CFAP107: variants seen among roughly 807,000 people sequenced by gnomAD.
The protein encoded by CFAP107 is cilia and flagella associated protein 107.
chr1:12,761,035 A>T, the CFAP107 span: 2 of 1,350,354 alleles, frequency 1.5e-6, no homozygotes, highest in African/African-American at 1.5e-5. Flanking sequence ...AGTGGCGCAG[A>T]TAAACTCAGA....
chr1:12,757,506 C>T, the CFAP107 span, among the ~76,000 whole-genome samples: 1 of 151,934 alleles, frequency 6.6e-6, no homozygotes, highest in Non-Finnish European at 1.5e-5. Flanking sequence ...CCTCAGCCTT[C>T]CAAGTAGCTG....
the CFAP107 span, among the ~76,000 whole-genome samples, chr1:12,747,273 T>G: frequency 1.3e-5 from 2 of 152,066 alleles, no homozygotes; most frequent in African/African-American, 4.8e-5. Context: ...TTCACCATGT[T>G]GGCCAGGCTG....
chr1:12,761,277 AGAGGTAATGT>A, the CFAP107 span: 1 of 229,604 alleles, frequency 4.4e-6, no homozygotes, highest in Non-Finnish European at 8.4e-6. Context: ...TGAGGCCCGG[AGAGGTAATGT>A]GACTTGCTGA....
the CFAP107 span, chr1:12,746,457 G>C: frequency 1.2e-6 from 2 of 1,613,668 alleles, no homozygotes; most frequent in Non-Finnish European, 1.7e-6. Flanking sequence ...TAAATCCACA[G>C]CCACTCTCTA....
chr1:12,762,598 G>A, the CFAP107 span: 3 of 152,568 alleles, frequency 2.0e-5, no homozygotes, highest in Non-Finnish European at 4.4e-5. Flanking sequence ...GGAGACAGCT[G>A]TGGGATGGAG....
chr1:12,752,850 G>A, the CFAP107 span, among the ~76,000 whole-genome samples: 11,597 of 152,008 alleles, frequency 0.076, 515 homozygotes, highest in African/African-American at 0.13. Flanking sequence ...ACATAGTGCT[G>A]GAAGTTCTAG....
At chr1:12,759,596 C>G in the CFAP107 span, 1 of 1,274,670 alleles carries the variant, frequency 7.8e-7, no homozygotes, top group Non-Finnish European at 1.1e-6. Flanking sequence ...ACCCTGGCTC[C>G]AGGAGAGCAG....
the CFAP107 span, chr1:12,759,664 T>C: frequency 2.7e-6 from 2 of 736,746 alleles, no homozygotes; most frequent in Non-Finnish European, 4.7e-6. Flanking sequence ...TCCTGTCCTT[T>C]CCCTTTGACC....
the CFAP107 span, chr1:12,753,952 A>T: frequency 1.3e-4 from 20 of 152,264 alleles, no homozygotes; most frequent in African/African-American, 4.8e-4. Context: ...GAAAATTCTC[A>T]TGACATTGGC....
chr1:12,761,035 A>G, the CFAP107 span: 1 of 1,350,354 alleles, frequency 7.4e-7, no homozygotes, highest in Non-Finnish European at 1.0e-6. Context: ...AGTGGCGCAG[A>G]TAAACTCAGA....
At chr1:12,760,677 G>A in the CFAP107 span, 1 of 1,304,386 alleles carries the variant, frequency 7.7e-7, no homozygotes, top group African/African-American at 1.5e-5. Flanking sequence ...AAAATCTCCA[G>A]GGCCCCTGCT....
the CFAP107 span, among the ~76,000 whole-genome samples, chr1:12,751,840 G>T: frequency 6.6e-6 from 1 of 151,968 alleles, no homozygotes; most frequent in South Asian, 2.1e-4. Context: ...CTAACAATTG[G>T]AATATTTATA....
chr1:12,753,863 A>G, the CFAP107 span: 3 of 152,168 alleles, frequency 2.0e-5, no homozygotes, highest in Non-Finnish European at 4.4e-5. Flanking sequence ...AAAGGAGTTC[A>G]AGACCAGCCT....
chr1:12,754,120 A>G, the CFAP107 span, among the ~76,000 whole-genome samples: 17 of 152,344 alleles, frequency 1.1e-4, no homozygotes, highest in African/African-American at 3.6e-4. Flanking sequence ...TTTGCAAATC[A>G]TATATCTGAT....
chr1:12,756,903 C>T, the CFAP107 span, among the ~76,000 whole-genome samples: 1 of 152,132 alleles, frequency 6.6e-6, no homozygotes, highest in Non-Finnish European at 1.5e-5. Context: ...CTGCCAGAGT[C>T]GCCTATTTGC....
the CFAP107 span, chr1:12,760,970 C>A: frequency 6.3e-7 from 1 of 1,597,768 alleles, no homozygotes; most frequent in Non-Finnish European, 8.5e-7. Context: ...ACCCCAGGAG[C>A]AGCTCAGATA....
At chr1:12,746,588 G>C in the CFAP107 span, 1 of 1,340,726 alleles carries the variant, frequency 7.5e-7, no homozygotes, top group Non-Finnish European at 1.1e-6. Context: ...GGGACTGATG[G>C]GGAGAGGCAG....
At chr1:12,749,626 C>CA in the CFAP107 span, among the ~76,000 whole-genome samples, 5 of 148,754 alleles carry the variant, frequency 3.4e-5, no homozygotes, top group African/African-American at 1.3e-4. Context: ...TAAAAAAACA[C>CA]AAAAAAACAA....
chr1:12,755,832 T>A, the CFAP107 span: 1 of 1,530,964 alleles, frequency 6.5e-7, no homozygotes. Flanking sequence ...GAGTGGCAAC[T>A]GGGACACTCA....
Sources: allele counts gnomAD v4.1 joint callset (sites outside exome capture counted in the v4.1 genomes callset), GRCh38; gene constraint gnomAD v4.1.1; transcripts MANE v1.5; gene names NCBI Gene and HGNC (gene_info 2026-07-23, HGNC 2026-07-21).